FRMD4A: variants seen among roughly 807,000 people sequenced by gnomAD.
FRMD4A encodes FERM domain-containing protein 4A.
FRMD4A carries 29 observed loss-of-function variants against 129.1 expected under a neutral mutation model. The ratio of observed to expected loss-of-function variants is 0.22; its 90% CI spans 0.17 to 0.31. The LOEUF is 0.31. FRMD4A is among the 10% of genes least tolerant of loss of function. The pLI, the probability that FRMD4A is intolerant of heterozygous loss-of-function variation, is 1.00. For synonymous variants in FRMD4A, 634 were observed against 571.6 expected (o/e 1.11, Z -1.56); for missense variants, 1,272 against 1,375.8 (o/e 0.92, Z 1.19).
intron 2 of FRMD4A, among the ~76,000 whole-genome samples, chr10:14,156,237 T>C (rs1033183357): frequency 6.6e-6 from 1 of 152,046 alleles, no homozygotes; most frequent in African/African-American, 2.4e-5. Flanking sequence ...TACACACCCA[T>C]GATGAGTGAA....
At chr10:13,932,887 G>A (rs2095213426) in intron 2 of FRMD4A, among the ~76,000 whole-genome samples, 1 of 152,168 alleles carries the variant, frequency 6.6e-6, no homozygotes, top group South Asian at 2.1e-4. Flanking sequence ...AAGGCTGGGT[G>A]CGGTAGCTCA....
In FRMD4A at chr10:13,821,395, G is replaced by A. The variant is rs1452274878; in HGVS notation, c.112-10487C>T. ...CAGGTAGGAGAGACCCCGAAGCCAA[G>A]ATCAGAGACCCGCCTGCCAGAGGTG... is the stretch of plus-strand genomic sequence containing the variant. On this transcript the variant is annotated intron_variant, in intron 3 of 24. Transcript: ENST00000357447. The surrounding 1 kb of genome is among the most constrained non-coding windows in gnomAD (Gnocchi z 4.3). Among the ~76,000 whole-genome samples, 2 of 152,146 alleles carry A rather than the reference G, an allele frequency of 1.3e-5. No homozygotes were observed. The highest frequency in any genetic ancestry group is 2.9e-5 in the Non-Finnish European group (2 of 68,010).
intron 2 of FRMD4A, among the ~76,000 whole-genome samples, chr10:14,076,164 T>C (rs1486619514): frequency 6.6e-6 from 1 of 152,188 alleles, no homozygotes; most frequent in African/African-American, 2.4e-5. Context: ...AACCCAGCCA[T>C]CCACAGCTAT....
At chr10:13,798,983 G>A (rs2093189422) in intron 4 of FRMD4A, among the ~76,000 whole-genome samples, 1 of 152,122 alleles carries the variant, frequency 6.6e-6, no homozygotes, top group Non-Finnish European at 1.5e-5. Flanking sequence ...CCATCCCGCA[G>A]GACTCAGCTC....
Position 13,701,364 on chromosome 10 carries a change from G to T in FRMD4A, c.951C>A (p.Phe317Leu). 6.2e-7 allele frequency: 1 copy of T among 1,614,046 alleles called. No homozygotes were observed. The highest frequency in any genetic ancestry group is 8.5e-7 in the Non-Finnish European group (1 of 1,179,894). ...IWAMAISQHQ[F>L]YLDRKQSKSK... ...CCTTACTCTGCTTTCTGTCCAGATA[G>T]AACTGGTGTTGGCTTATGGCCATAG... Residue 317 changes from phenylalanine to leucine, a missense_variant, in exon 14 of 25, where the codon TTC (phenylalanine) becomes TTA (leucine). Transcript: ENST00000357447.
chr10:13,702,927 A>G (rs80266786), intron 13 of FRMD4A, among the ~76,000 whole-genome samples: 1 of 151,416 alleles, frequency 6.6e-6, no homozygotes, highest in East Asian at 1.9e-4. Context: ...AAAAAAAAAA[A>G]AAAAGCCAGA....
intron 2 of FRMD4A, among the ~76,000 whole-genome samples, chr10:14,305,645 A>T (rs2132096608): frequency 6.6e-6 from 1 of 152,316 alleles, no homozygotes; most frequent in Admixed American, 6.5e-5. Flanking sequence ...GTGAGACTCT[A>T]TAAAAATTCT....
chr10:13,652,141 C>T (rs1228653957), intron 23 of FRMD4A, 167 bp from the exon 24 acceptor site: 1 of 626,230 alleles, frequency 1.6e-6, no homozygotes, highest in Admixed American at 2.6e-5. Flanking sequence ...CTTTCAGTCC[C>T]CATAATTGAG....
intron 2 of FRMD4A, among the ~76,000 whole-genome samples, chr10:14,093,647 A>T (rs1171489736): frequency 6.6e-6 from 1 of 152,214 alleles, no homozygotes; most frequent in Non-Finnish European, 1.5e-5. Context: ...ACAATAAACA[A>T]ATGTCTTTGA....
chr10:13,929,731 C>T (rs763491499), intron 2 of FRMD4A, among the ~76,000 whole-genome samples: 3 of 152,244 alleles, frequency 2.0e-5, no homozygotes, highest in Non-Finnish European at 4.4e-5. Flanking sequence ...TTTCAGTTCT[C>T]AGCAGGCAAC....
At chr10:13,832,153 G>T (rs2093799557) in intron 3 of FRMD4A, among the ~76,000 whole-genome samples, 1 of 147,268 alleles carries the variant, frequency 6.8e-6, no homozygotes, top group South Asian at 2.2e-4. Flanking sequence ...TGCCGGCCCA[G>T]CTCACCGGGG....
chr10:13,906,984 C>T lies in FRMD4A; in HGVS notation c.46-48072G>A, dbSNP rs74699194. Among the ~76,000 whole-genome samples the T allele has an allele frequency of 1.7e-4, 26 of 152,276 alleles. No homozygotes were observed. The East Asian group carries it at 3.3e-3, about 19-fold the overall frequency. ...CCCTGAGGTGTTGCTGTGTCTCATC[C>T]TCAACTGTGTGGCGCAGTATTATCC... is the stretch of plus-strand genomic sequence containing the variant. On this transcript the variant is annotated intron_variant, in intron 2 of 24. Coordinates refer to ENST00000357447, the MANE Select transcript of FRMD4A (RefSeq NM_018027.5).
At chr10:13,824,459 C>T (rs2093672183) in intron 3 of FRMD4A, among the ~76,000 whole-genome samples, 1 of 151,806 alleles carries the variant, frequency 6.6e-6, no homozygotes, top group Non-Finnish European at 1.5e-5. Flanking sequence ...TACTACACTC[C>T]AGCCCGGGTG....
chr10:13,765,010 A>G (rs1408671914), intron 6 of FRMD4A, among the ~76,000 whole-genome samples: 3 of 152,180 alleles, frequency 2.0e-5, no homozygotes, highest in Non-Finnish European at 4.4e-5. Flanking sequence ...GTTTCAGCCA[A>G]TGTATTCTAA....
chr10:13,943,319 T>C (rs777315504), intron 2 of FRMD4A, among the ~76,000 whole-genome samples: 3 of 151,834 alleles, frequency 2.0e-5, no homozygotes, highest in African/African-American at 7.3e-5. Flanking sequence ...GCAGCAAATA[T>C]AGATAATTGA....
intron 4 of FRMD4A, among the ~76,000 whole-genome samples, chr10:13,803,982 C>A (rs1368554550): frequency 6.6e-6 from 1 of 152,198 alleles, no homozygotes; most frequent in Non-Finnish European, 1.5e-5. Flanking sequence ...CATCCCTAAG[C>A]TTTCCTTGGA....
intron 12 of FRMD4A, among the ~76,000 whole-genome samples, chr10:13,708,492 T>C (rs2134910804): frequency 6.6e-6 from 1 of 152,362 alleles, no homozygotes; most frequent in East Asian, 1.9e-4. Flanking sequence ...GGAGAATATC[T>C]ATTATCTCTT....
intron 3 of FRMD4A, among the ~76,000 whole-genome samples, chr10:13,819,161 A>G (rs993671948): frequency 6.6e-6 from 1 of 151,350 alleles, no homozygotes; most frequent in African/African-American, 2.4e-5. Flanking sequence ...CAAAATCCCC[A>G]CTCCATATAG....
At chr10:14,133,179 A>C (rs1839354518) in intron 2 of FRMD4A, among the ~76,000 whole-genome samples, 1 of 152,230 alleles carries the variant, frequency 6.6e-6, no homozygotes, top group Non-Finnish European at 1.5e-5. Flanking sequence ...TAGCAGGATT[A>C]GATGACATTT....
Sources: allele counts gnomAD v4.1 joint callset (sites outside exome capture counted in the v4.1 genomes callset), GRCh38; gene constraint gnomAD v4.1.1; non-coding constraint Gnocchi (gnomAD v3.1); transcripts MANE v1.5; gene names NCBI Gene and HGNC (gene_info 2026-07-23, HGNC 2026-07-21).